The following KCNK12 variants were observed in gnomAD, a reference collection of about 807,000 sequenced individuals.
KCNK12 encodes the protein potassium two pore domain channel subfamily K member 12.
In KCNK12, 6 loss-of-function variants were observed where a neutral mutation model predicts 25.3. The observed-to-expected ratio is 0.24, with a 90% CI of 0.13 to 0.47. The LOEUF (loss-of-function observed/expected upper bound fraction) is 0.47. Among genes scored for constraint, KCNK12 ranks in the 20% least tolerant of loss-of-function variants. KCNK12 has a pLI of 0.99. For synonymous variants in KCNK12, 331 were observed against 311.1 expected (o/e 1.06, Z -0.67); for missense variants, 444 against 661.7 (o/e 0.67, Z 3.61).
At chr2:47,524,183 G>A (rs1668720294) in intron 1 of KCNK12, among the ~76,000 whole-genome samples, 1 of 152,070 alleles carries the variant, frequency 6.6e-6, no homozygotes, top group Non-Finnish European at 1.5e-5. Context: ...CTTGATAGAG[G>A]GATTTTGCTA....
rs988971272 is a variant in KCNK12 at position 47,565,593 on chromosome 2, G to A, written c.391+4348C>T. ...GCAAAAATATTTCTGTTTATATCAA[G>A]CTGCCATTTGAGAAAGATTTTAAAA... On this transcript the variant is annotated intron_variant, in intron 1 of 1. Transcript: ENST00000327876. The surrounding 1 kb of genome is among the most constrained non-coding windows in gnomAD (Gnocchi z 5.0). The A allele has an allele frequency of 1.3e-5, 2 of 152,172 alleles. No individual in the cohort carries two copies. Among genetic ancestry groups the A allele is most frequent in the Non-Finnish European group, 2.9e-5 (2 of 68,018 alleles). 9.4% of individuals were successfully genotyped at this position (152,172 alleles called of 1,614,324 possible).
chr2:47,542,946 G>T (rs1213709410), intron 1 of KCNK12, among the ~76,000 whole-genome samples: 1 of 152,138 alleles, frequency 6.6e-6, no homozygotes, highest in East Asian at 1.9e-4. Flanking sequence ...TAGAGATGGG[G>T]TCTCACTGTG....
At chr2:47,523,342 T>C (rs775430608) in intron 1 of KCNK12, among the ~76,000 whole-genome samples, 5 of 152,172 alleles carry the variant, frequency 3.3e-5, no homozygotes, top group Non-Finnish European at 7.4e-5. Flanking sequence ...GGGTGCCGGC[T>C]CCTTCTCAAC....
chr2:47,546,200 C>G (rs1669311536), intron 1 of KCNK12, among the ~76,000 whole-genome samples: 1 of 152,378 alleles, frequency 6.6e-6, no homozygotes, highest in South Asian at 2.1e-4. Context: ...GCATATCAAT[C>G]TACTTGGTCA....
At chr2:47,539,858 G>A (rs1214735013) in intron 1 of KCNK12, among the ~76,000 whole-genome samples, 1 of 152,032 alleles carries the variant, frequency 6.6e-6, no homozygotes, top group African/African-American at 2.4e-5. Flanking sequence ...CAGCTGAAGT[G>A]CTCAGACACT....
rs1409678590 is a variant in KCNK12 at position 47,520,886 on chromosome 2, C to T, written c.*21G>A. Reference sequence around the variant, plus strand: ...GGCCCCGCGGCCTGGAGAGGGTCCCCGGCGCGGGCGGACGGGCGGTCTACC... The same window carrying T: ...GGCCCCGCGGCCTGGAGAGGGTCCCTGGCGCGGGCGGACGGGCGGTCTACC... On this transcript the variant is annotated 3_prime_UTR_variant, in exon 2 of 2. Coordinates refer to ENST00000327876, the MANE Select transcript of KCNK12 (RefSeq NM_022055.2). This position sits in a 1 kb window ranked among gnomAD's most constrained non-coding sequence, Gnocchi z 5.0. 3.2e-6 allele frequency: 4 copies of T among 1,240,362 alleles called. No individual in the cohort carries two copies. Among genetic ancestry groups the T allele is most frequent in the Admixed American group, 4.2e-5 (1 of 23,892 alleles). 76.8% of individuals were successfully genotyped at this position (1,240,362 alleles called of 1,614,324 possible).
chr2:47,517,893 C>T lies in KCNK12; in HGVS notation c.*3014G>A, dbSNP rs1326015100. ...TCATTCAAACTTTAAGGGAGCCCCA[C>T]AGCACCGGCATGATGGGTAAGTCCA... On this transcript the variant is annotated 3_prime_UTR_variant, in exon 2 of 2. Transcript: ENST00000327876. The surrounding 1 kb of genome is among the most constrained non-coding windows in gnomAD (Gnocchi z 4.1). The T allele has an allele frequency of 6.6e-6, 1 of 152,212 alleles. No individual in the cohort carries two copies. The highest frequency in any genetic ancestry group is 1.5e-5 in the Non-Finnish European group (1 of 68,066). 9.4% of individuals were successfully genotyped at this position (152,212 alleles called of 1,614,324 possible).
intron 1 of KCNK12, among the ~76,000 whole-genome samples, chr2:47,545,872 A>T (rs570612213): frequency 2.0e-5 from 3 of 152,090 alleles, no homozygotes; most frequent in African/African-American, 4.8e-5. Context: ...AGAGAAGAGG[A>T]GGTCATGGAA....
rs1668356624 is a variant in KCNK12, at chr2:47,509,802, C to G, written c.*11105G>C. Among the ~76,000 whole-genome samples, 1 of 152,222 alleles carries G rather than the reference C, an allele frequency of 6.6e-6. No homozygotes were observed. The highest frequency in any genetic ancestry group is 2.1e-4 in the South Asian group (1 of 4,836). Reference sequence around the variant, plus strand: ...CAAGAAAGGGCTACTCCACCCCCTCCAATTTGTGTAAGGCCAGGGGACTTC... The same window carrying G: ...CAAGAAAGGGCTACTCCACCCCCTCGAATTTGTGTAAGGCCAGGGGACTTC... On this transcript the variant is annotated 3_prime_UTR_variant, in exon 2 of 2. Coordinates refer to ENST00000327876, the MANE Select transcript of KCNK12 (RefSeq NM_022055.2).
chr2:47,532,622 A>G (rs1358453963), intron 1 of KCNK12, among the ~76,000 whole-genome samples: 1 of 152,210 alleles, frequency 6.6e-6, no homozygotes, highest in Non-Finnish European at 1.5e-5. Flanking sequence ...GAACCTGGAC[A>G]ACTCACAGTC....
At chr2:47,524,920 G>A (rs560304864) in intron 1 of KCNK12, among the ~76,000 whole-genome samples, 5 of 152,158 alleles carry the variant, frequency 3.3e-5, no homozygotes, top group African/African-American at 9.6e-5. Context: ...TGCATAGATC[G>A]GTATACAGAA....
At chr2:47,568,011 A>T (rs999061757) in intron 1 of KCNK12, among the ~76,000 whole-genome samples, 66 of 152,206 alleles carry the variant, frequency 4.3e-4, no homozygotes, top group African/African-American at 1.6e-3. Flanking sequence ...GGAGCTCATC[A>T]GAGAGGCACA....
At chr2:47,561,812 G>A (rs1471622003) in intron 1 of KCNK12, among the ~76,000 whole-genome samples, 1 of 152,194 alleles carries the variant, frequency 6.6e-6, no homozygotes, top group East Asian at 1.9e-4. Context: ...GAATTAGGAC[G>A]TGAATCCAGG....
At chr2:47,558,264 C>T (rs1437384661) in intron 1 of KCNK12, among the ~76,000 whole-genome samples, 1 of 152,246 alleles carries the variant, frequency 6.6e-6, no homozygotes, top group African/African-American at 2.4e-5. Flanking sequence ...CACAGTCACA[C>T]AAGTGATTCC....
rs373510476 is a variant in KCNK12, at chr2:47,569,532, T to G, written c.391+409A>C. The stretch of plus-strand genomic sequence containing the variant: ...AAGCGGGGGAGACTATGAAAAGAAA[T>G]AAAAGCGCCGAGGGTGGAGGGAGAA... On this transcript the variant is annotated intron_variant, in intron 1 of 1. Coordinates refer to ENST00000327876, the MANE Select transcript of KCNK12 (RefSeq NM_022055.2). The surrounding 1 kb of genome is among the most constrained non-coding windows in gnomAD (Gnocchi z 4.1). Among the ~76,000 whole-genome samples, 4 of 150,488 alleles carry G rather than the reference T, an allele frequency of 2.7e-5. No homozygotes were observed. The highest frequency in any genetic ancestry group is 4.9e-5 in the African/African-American group (2 of 41,050).
chr2:47,524,136 A>G (rs1328888601), intron 1 of KCNK12, among the ~76,000 whole-genome samples: 1 of 152,224 alleles, frequency 6.6e-6, no homozygotes, highest in East Asian at 1.9e-4. Flanking sequence ...AGATTTACAG[A>G]AAGTGAAAAA....
chr2:47,527,176 C>A (rs1029953212), intron 1 of KCNK12, among the ~76,000 whole-genome samples: 1 of 152,172 alleles, frequency 6.6e-6, no homozygotes, highest in Admixed American at 6.5e-5. Context: ...CTTAAGAAAC[C>A]AAATTGCAGT....
intron 1 of KCNK12, among the ~76,000 whole-genome samples, chr2:47,568,598 T>C (rs1669828354): frequency 6.6e-6 from 1 of 152,054 alleles, no homozygotes; most frequent in African/African-American, 2.4e-5. Context: ...ATGCTGCACA[T>C]GGAGGCAGCC....
At position 47,510,162 on chromosome 2, in the gene KCNK12, G is replaced by A. The variant is rs904805457; in HGVS notation, c.*10745C>T. 1.5e-4 allele frequency: 23 copies of A among 152,252 alleles called. No individual in the cohort carries two copies. Among genetic ancestry groups the A allele is most frequent in the African/African-American group, 5.5e-4 (23 of 41,542 alleles). 9.4% of individuals were successfully genotyped at this position (152,252 alleles called of 1,614,324 possible). A position where few individuals can be genotyped will look rare whatever the true frequency, so the allele number is the denominator to read the frequency against. On this transcript the variant is annotated 3_prime_UTR_variant, in exon 2 of 2. Coordinates refer to ENST00000327876, the MANE Select transcript of KCNK12 (RefSeq NM_022055.2). ...TTCTCCCTGCTACTTCTTGCTACTAGTAACATGGATGTGAGCCTTGGAGGG... is the reference window on the plus strand; with the variant it reads ...TTCTCCCTGCTACTTCTTGCTACTAATAACATGGATGTGAGCCTTGGAGGG...
Sources: gnomAD v4.1 joint callset for allele counts (sites outside exome capture counted in the v4.1 genomes callset) on GRCh38, gnomAD v4.1.1 for gene constraint, Gnocchi (gnomAD v3.1) non-coding constraint, MANE v1.5 for transcripts, NCBI Gene and HGNC (gene_info 2026-07-23, HGNC 2026-07-21) for gene names.